PPFIA2: variants seen among roughly 807,000 people sequenced by gnomAD.
The protein encoded by PPFIA2 is PPFI scaffold protein A2, also known as liprin-alpha-2.
A neutral mutation model predicts 175.5 loss-of-function variants in PPFIA2; 46 were observed. That is an observed-to-expected ratio of 0.26 (90% CI 0.21 to 0.34). The LOEUF is 0.34. Among genes scored for constraint, PPFIA2 ranks in the 10% least tolerant of loss-of-function variants. The pLI is 1.00. For synonymous variants in PPFIA2, 568 were observed against 511.4 expected (o/e 1.11, Z -1.49); for missense variants, 1,179 against 1,506.1 (o/e 0.78, Z 3.60).
intron 22 of PPFIA2, among the ~76,000 whole-genome samples, chr12:81,303,111 G>A (rs528365824): frequency 6.6e-6 from 1 of 152,230 alleles, no homozygotes; most frequent in African/African-American, 2.4e-5. Flanking sequence ...TGTATGTAAA[G>A]GGATTTAGTC....
intron 22 of PPFIA2, among the ~76,000 whole-genome samples, chr12:81,299,867 T>G (rs1425721263): frequency 6.6e-6 from 1 of 152,154 alleles, no homozygotes; most frequent in Non-Finnish European, 1.5e-5. Context: ...GATTTTAGTA[T>G]GCCCTGTGGG....
At chr12:81,598,043 T>C in intron 4 of PPFIA2, 1 of 1,534,730 alleles carries the variant, frequency 6.5e-7, no homozygotes, top group East Asian at 2.4e-5. Flanking sequence ...TTCTGATCAC[T>C]GAGACAATAT....
intron 4 of PPFIA2, among the ~76,000 whole-genome samples, chr12:81,596,223 A>G (rs934830719): frequency 2.8e-5 from 4 of 144,634 alleles, no homozygotes; most frequent in African/African-American, 5.4e-5. Flanking sequence ...TTTCTTTTGG[A>G]AAAAAAAAAG....
chr12:81,664,454 C>A (rs2069673037), intron 4 of PPFIA2, among the ~76,000 whole-genome samples: 1 of 152,004 alleles, frequency 6.6e-6, no homozygotes, highest in Admixed American at 6.6e-5. Context: ...CATCACTGGC[C>A]ATCAGAGAAA....
chr12:81,663,274 G>A (rs1048566293), intron 4 of PPFIA2, among the ~76,000 whole-genome samples: 1 of 152,172 alleles, frequency 6.6e-6, no homozygotes, highest in Non-Finnish European at 1.5e-5. Flanking sequence ...TGACATGATT[G>A]TATATCTAGA....
At chr12:81,412,076 A>T (rs1195855162) in intron 7 of PPFIA2, among the ~76,000 whole-genome samples, 1 of 151,948 alleles carries the variant, frequency 6.6e-6, no homozygotes, top group Non-Finnish European at 1.5e-5. Context: ...CCTAAAAGAG[A>T]GGTAAAACAT....
chr12:81,733,799 C>T (rs1262631397), intron 3 of PPFIA2, among the ~76,000 whole-genome samples: 1 of 151,696 alleles, frequency 6.6e-6, no homozygotes, highest in African/African-American at 2.4e-5. Flanking sequence ...TCAGTCACCT[C>T]AAATAAGCTA....
At chr12:81,415,211 ATATATATATATATATATATATAT>A (rs1415454993) in intron 7 of PPFIA2, among the ~76,000 whole-genome samples, 25 of 8,840 alleles carry the variant, frequency 2.8e-3, no homozygotes, top group African/African-American at 6.8e-3. Flanking sequence ...AAAAAAAAAA[ATATATATATATATATATATATAT>A]ATATATATAT....
chr12:81,598,558 T>A (rs1279242810), intron 4 of PPFIA2, among the ~76,000 whole-genome samples: 1 of 152,116 alleles, frequency 6.6e-6, no homozygotes, highest in Non-Finnish European at 1.5e-5. Flanking sequence ...TGCTGTTTTA[T>A]CACTCTTATT....
intron 4 of PPFIA2, among the ~76,000 whole-genome samples, chr12:81,540,805 A>G (rs1291088949): frequency 6.6e-6 from 1 of 152,064 alleles, no homozygotes; most frequent in East Asian, 1.9e-4. Flanking sequence ...AACATAGAGA[A>G]GAGTAGAAAA....
intron 8 of PPFIA2, among the ~76,000 whole-genome samples, chr12:81,404,993 T>C (rs1334466885): frequency 6.6e-6 from 1 of 152,194 alleles, no homozygotes; most frequent in Non-Finnish European, 1.5e-5. Flanking sequence ...AGGCAAATGA[T>C]TCTCCTGAGT....
At chr12:81,569,085 T>C (rs1227040150) in intron 4 of PPFIA2, among the ~76,000 whole-genome samples, 2 of 152,210 alleles carry the variant, frequency 1.3e-5, no homozygotes, top group Admixed American at 1.3e-4. Context: ...TTTAATTTAG[T>C]TATCAACATG....
chr12:81,475,242 T>A (rs1309815870), intron 4 of PPFIA2, among the ~76,000 whole-genome samples: 1 of 152,158 alleles, frequency 6.6e-6, no homozygotes, highest in Non-Finnish European at 1.5e-5. Context: ...AAATAGAGAC[T>A]GTGTATTTGT....
chr12:81,469,638 G>T (rs1036086134), intron 4 of PPFIA2, among the ~76,000 whole-genome samples: 2 of 152,196 alleles, frequency 1.3e-5, no homozygotes, highest in African/African-American at 4.8e-5. Context: ...ATACATAGAG[G>T]TAAATCTTTG....
chr12:81,479,943 A>G (rs191170952), intron 4 of PPFIA2, among the ~76,000 whole-genome samples: 1 of 152,136 alleles, frequency 6.6e-6, no homozygotes, highest in Non-Finnish European at 1.5e-5. Context: ...CTGAATTTGA[A>G]TGTTTGGCCT....
chr12:81,610,805 T>C (rs1314183175), intron 4 of PPFIA2, among the ~76,000 whole-genome samples: 4 of 152,188 alleles, frequency 2.6e-5, no homozygotes. Flanking sequence ...TCTTTTTGAA[T>C]TGTCAAGAGT....
chr12:81,736,226 A>G (rs948363980), intron 3 of PPFIA2, among the ~76,000 whole-genome samples: 1 of 152,030 alleles, frequency 6.6e-6, no homozygotes. Context: ...AGATATTTTT[A>G]CATTTCTCTT....
chr12:81,740,082 C>CA (rs2082147569), intron 3 of PPFIA2, among the ~76,000 whole-genome samples: 1 of 152,022 alleles, frequency 6.6e-6, no homozygotes, highest in Admixed American at 6.6e-5. Flanking sequence ...TTTTGAAAAG[C>CA]AAAAATGATT....
intron 8 of PPFIA2, among the ~76,000 whole-genome samples, chr12:81,388,946 A>G (rs559565326): frequency 2.1e-4 from 32 of 151,642 alleles, no homozygotes; most frequent in African/African-American, 6.8e-4. Context: ...AAGCATCCAC[A>G]CACCATTATA....
Sources: gnomAD v4.1 joint callset for allele counts (sites outside exome capture counted in the v4.1 genomes callset) on GRCh38, gnomAD v4.1.1 for gene constraint, MANE v1.5 for transcripts, NCBI Gene and HGNC (gene_info 2026-07-23, HGNC 2026-07-21) for gene names.